The following ANKS1B variants were observed in gnomAD, a reference collection of about 807,000 sequenced individuals.
The protein encoded by ANKS1B is ankyrin repeat and sterile alpha motif domain containing 1B.
A neutral mutation model predicts 148.3 loss-of-function variants in ANKS1B; 36 were observed. The observed-to-expected ratio is 0.24, with a 90% CI of 0.19 to 0.32. The LOEUF (loss-of-function observed/expected upper bound fraction) is 0.32, where lower values mean the gene tolerates loss of function less well. Ranked by LOEUF, ANKS1B falls within the 10% of genes least tolerant of loss-of-function variation. The pLI, the probability that ANKS1B is intolerant of heterozygous loss-of-function variation, is 1.00. For synonymous variants in ANKS1B, 542 were observed against 560.8 expected, an observed-to-expected ratio of 0.97 and a Z score of 0.47; for missense variants, 1,157 against 1,542.6, an observed-to-expected ratio of 0.75 and a Z score of 4.19.
intron 17 of ANKS1B, among the ~76,000 whole-genome samples, chr12:99,023,834 T>C (rs534050526): frequency 8.0e-5 from 12 of 149,570 alleles, no homozygotes; most frequent in Non-Finnish European, 1.5e-4. Flanking sequence ...GAATATTACA[T>C]ATATTTTGTG....
chr12:99,935,130 C>G (rs960794433), intron 1 of ANKS1B, among the ~76,000 whole-genome samples: 7 of 151,998 alleles, frequency 4.6e-5, no homozygotes, highest in Admixed American at 2.0e-4. Flanking sequence ...ACTTGATATT[C>G]AAAGGATAGA....
chr12:99,841,495 T>C (rs906405282), intron 1 of ANKS1B, among the ~76,000 whole-genome samples: 2 of 152,106 alleles, frequency 1.3e-5, no homozygotes, highest in Non-Finnish European at 2.9e-5. Flanking sequence ...ATTTCAGTTT[T>C]GGAAGCAGGT....
chr12:98,914,138 G>A (rs2099790756), intron 17 of ANKS1B, among the ~76,000 whole-genome samples: 1 of 152,044 alleles, frequency 6.6e-6, no homozygotes, highest in Non-Finnish European at 1.5e-5. Flanking sequence ...CTTATAGACG[G>A]CTTAGCTCTA....
chr12:99,086,930 A>T (rs1002480179), intron 15 of ANKS1B, among the ~76,000 whole-genome samples: 2 of 152,182 alleles, frequency 1.3e-5, no homozygotes, highest in African/African-American at 4.8e-5. Flanking sequence ...TGAAAGGGTG[A>T]TTCTGGGGCA....
chr12:99,548,333 GC>G (rs1181927356), intron 9 of ANKS1B, among the ~76,000 whole-genome samples: 10 of 151,634 alleles, frequency 6.6e-5, no homozygotes, highest in African/African-American at 2.4e-4. Context: ...CTACCAAATG[GC>G]CCTTTCCCTT....
chr12:99,924,601 T>C (rs187268926), intron 1 of ANKS1B, among the ~76,000 whole-genome samples: 1 of 152,258 alleles, frequency 6.6e-6, no homozygotes, highest in East Asian at 1.9e-4. Flanking sequence ...GTGGAACCTT[T>C]TGGGAAGTAA....
intron 14 of ANKS1B, among the ~76,000 whole-genome samples, chr12:99,168,279 G>A (rs2153834913): frequency 1.3e-5 from 2 of 152,342 alleles, no homozygotes; most frequent in Non-Finnish European, 2.9e-5. Context: ...CACTTTGGGA[G>A]GCTGAGGCGG....
intron 12 of ANKS1B, among the ~76,000 whole-genome samples, chr12:99,315,750 C>T (rs972240856): frequency 1.3e-5 from 2 of 151,954 alleles, no homozygotes; most frequent in African/African-American, 4.8e-5. Flanking sequence ...ATACATGTGC[C>T]ATGTTGGTGT....
At chr12:99,874,833 A>AC (rs2153731589) in intron 1 of ANKS1B, among the ~76,000 whole-genome samples, 1 of 152,390 alleles carries the variant, frequency 6.6e-6, no homozygotes, top group East Asian at 1.9e-4. Context: ...GATAAAACTT[A>AC]CATCACAAGA....
At chr12:99,670,514 A>G (rs1345869227) in intron 8 of ANKS1B, among the ~76,000 whole-genome samples, 1 of 152,148 alleles carries the variant, frequency 6.6e-6, no homozygotes, top group Non-Finnish European at 1.5e-5. Flanking sequence ...AATTTATTAA[A>G]TATTTATTGA....
In ANKS1B at chr12:98,967,122, A is replaced by C. The variant is rs1042195258; in HGVS notation, c.2778+86035T>G. Among the ~76,000 whole-genome samples the C allele has an allele frequency of 3.3e-5, 5 of 152,296 alleles. No homozygotes were observed. In the South Asian group the frequency reaches 8.3e-4, roughly 25 times the overall value. On this transcript the variant is annotated intron_variant, in intron 17 of 26. Coordinates refer to ENST00000683438, the MANE Select transcript of ANKS1B (RefSeq NM_001352186.2). ...CACCACAGATGCCAGTCAAGGCTCA[A>C]CGTGACCAGCTGTTCAGGGTGCTTT...
chr12:98,780,018 C>G (rs1445215304), intron 24 of ANKS1B, among the ~76,000 whole-genome samples: 1 of 152,178 alleles, frequency 6.6e-6, no homozygotes. Context: ...TCTCTTTCGT[C>G]ACAGAAAACC....
intron 26 of ANKS1B, among the ~76,000 whole-genome samples, chr12:98,748,408 G>A (rs373133118): frequency 7.4e-5 from 10 of 134,592 alleles, no homozygotes; most frequent in African/African-American, 1.4e-4. Flanking sequence ...CGGGCTGTCC[G>A]CTCTCAGGAA....
chr12:98,983,958 G>A (rs2099921843), intron 17 of ANKS1B, among the ~76,000 whole-genome samples: 1 of 152,208 alleles, frequency 6.6e-6, no homozygotes, highest in Admixed American at 6.5e-5. Context: ...TTGAGCAGAT[G>A]TAAGAGTCTC....
intron 17 of ANKS1B, among the ~76,000 whole-genome samples, chr12:99,051,669 T>C (rs2099966184): frequency 6.6e-6 from 1 of 152,202 alleles, no homozygotes; most frequent in Admixed American, 6.5e-5. Context: ...TGTTAGACAA[T>C]GAGTCTCTTC....
chr12:99,614,901 A>T (rs1399903506), intron 9 of ANKS1B, among the ~76,000 whole-genome samples: 1 of 151,514 alleles, frequency 6.6e-6, no homozygotes, highest in Non-Finnish European at 1.5e-5. Context: ...GGAAAAAAAA[A>T]AAGTTGCTTT....
At chr12:98,882,801 T>C (rs2099713218) in intron 17 of ANKS1B, among the ~76,000 whole-genome samples, 1 of 151,860 alleles carries the variant, frequency 6.6e-6, no homozygotes, top group Non-Finnish European at 1.5e-5. Context: ...AGAATGATCA[T>C]AAAACTCCAC....
intron 1 of ANKS1B, among the ~76,000 whole-genome samples, chr12:99,867,840 C>T (rs995425306): frequency 6.6e-5 from 10 of 152,094 alleles, no homozygotes; most frequent in Admixed American, 1.3e-4. Flanking sequence ...GTATTAATAT[C>T]GCAGCCTCAC....
At chr12:99,543,443 CAT>C (rs767610854) in intron 9 of ANKS1B, among the ~76,000 whole-genome samples, 9 of 152,028 alleles carry the variant, frequency 5.9e-5, no homozygotes, top group Admixed American at 1.3e-4. Flanking sequence ...ATAGAGTTAC[CAT>C]ATGACTCCAA....
Sources: allele counts gnomAD v4.1 joint callset (sites outside exome capture counted in the v4.1 genomes callset), GRCh38; gene constraint gnomAD v4.1.1; transcripts MANE v1.5; gene names NCBI Gene and HGNC (gene_info 2026-07-23, HGNC 2026-07-21).